The following QTMAN variants were observed in gnomAD, a reference collection of about 807,000 sequenced individuals.
The protein encoded by QTMAN is tRNA-queuosine alpha-mannosyltransferase.
chr2:144,074,413 A>C, the QTMAN span, among the ~76,000 whole-genome samples: 2 of 152,342 alleles, frequency 1.3e-5, no homozygotes, highest in East Asian at 3.9e-4. Context: ...CTAGCTATGC[A>C]AACTAAAGAA....
the QTMAN span, chr2:143,947,262 C>T: frequency 1.5e-6 from 1 of 676,404 alleles, no homozygotes; most frequent in Non-Finnish European, 2.6e-6. Flanking sequence ...AAAAAGCCAC[C>T]AAGTAAATGG....
At chr2:144,196,140 G>C in the QTMAN span, among the ~76,000 whole-genome samples, 1 of 151,386 alleles carries the variant, frequency 6.6e-6, no homozygotes, top group South Asian at 2.1e-4. Context: ...CAAAATGAAA[G>C]CTAAGAATCA....
chr2:144,110,565 A>ATAAC, the QTMAN span, among the ~76,000 whole-genome samples: 1 of 151,850 alleles, frequency 6.6e-6, no homozygotes, highest in African/African-American at 2.4e-5. Flanking sequence ...AAATAAATAA[A>ATAAC]TAATATAAAA....
At chr2:144,143,791 G>A in the QTMAN span, among the ~76,000 whole-genome samples, 1 of 151,938 alleles carries the variant, frequency 6.6e-6, no homozygotes, top group Non-Finnish European at 1.5e-5. Context: ...TCATAAGTCA[G>A]AGGGTTAGTG....
At chr2:144,033,045 C>T in the QTMAN span, among the ~76,000 whole-genome samples, 1 of 152,144 alleles carries the variant, frequency 6.6e-6, no homozygotes, top group Non-Finnish European at 1.5e-5. Context: ...AATATTTTGG[C>T]TTATAAAATA....
At chr2:143,993,745 G>C in the QTMAN span, among the ~76,000 whole-genome samples, 1 of 152,132 alleles carries the variant, frequency 6.6e-6, no homozygotes, top group Non-Finnish European at 1.5e-5. Context: ...TGTTGTTTTA[G>C]GCTGCCAAGT....
the QTMAN span, chr2:144,011,824 A>C: frequency 2.7e-6 from 2 of 731,196 alleles, no homozygotes; most frequent in Non-Finnish European, 3.3e-6. Flanking sequence ...GCTAATGAGA[A>C]GAGAAAAGGT....
the QTMAN span, among the ~76,000 whole-genome samples, chr2:144,148,878 A>G: frequency 6.6e-6 from 1 of 151,978 alleles, no homozygotes; most frequent in South Asian, 2.1e-4. Flanking sequence ...CTGTATTTGT[A>G]TAATTAATCT....
the QTMAN span, among the ~76,000 whole-genome samples, chr2:144,074,460 T>A: frequency 6.6e-6 from 1 of 152,260 alleles, no homozygotes; most frequent in African/African-American, 2.4e-5. Context: ...AAAATCATTT[T>A]TCTAAAACTG....
chr2:144,288,992 C>T, the QTMAN span, among the ~76,000 whole-genome samples: 2 of 148,176 alleles, frequency 1.3e-5, no homozygotes, highest in Non-Finnish European at 3.0e-5. Context: ...AAGATTCAAA[C>T]TATATTAAGA....
chr2:144,187,362 C>T, the QTMAN span, among the ~76,000 whole-genome samples: 5 of 152,158 alleles, frequency 3.3e-5, no homozygotes, highest in South Asian at 2.1e-4. Context: ...ACAACCTGCT[C>T]TTTCCAAAAC....
chr2:144,174,404 A>G, the QTMAN span, among the ~76,000 whole-genome samples: 1 of 152,146 alleles, frequency 6.6e-6, no homozygotes, highest in Admixed American at 6.5e-5. Context: ...CCTCATTGCT[A>G]AATGTCCAGT....
the QTMAN span, among the ~76,000 whole-genome samples, chr2:144,310,149 A>C: frequency 1.3e-5 from 2 of 152,228 alleles, no homozygotes; most frequent in African/African-American, 4.8e-5. Flanking sequence ...GAGATGCAAC[A>C]TCTCAAGACC....
the QTMAN span, among the ~76,000 whole-genome samples, chr2:144,252,883 G>T: frequency 6.6e-6 from 1 of 152,038 alleles, no homozygotes; most frequent in Admixed American, 6.5e-5. Flanking sequence ...AACAAACTGT[G>T]GTATATCCAT....
the QTMAN span, chr2:144,145,802 C>G: frequency 3.0e-6 from 4 of 1,334,578 alleles, no homozygotes; most frequent in Non-Finnish European, 1.0e-6. Flanking sequence ...ATGCTTTGCT[C>G]TTCTCTCCTC....
the QTMAN span, among the ~76,000 whole-genome samples, chr2:144,111,759 T>C: frequency 4.6e-5 from 7 of 152,224 alleles, no homozygotes; most frequent in Admixed American, 3.3e-4. Flanking sequence ...TGTTATACAG[T>C]TGGATCCCTG....
chr2:144,118,076 G>A, the QTMAN span, among the ~76,000 whole-genome samples: 1 of 152,058 alleles, frequency 6.6e-6, no homozygotes, highest in Non-Finnish European at 1.5e-5. Context: ...TCAATCTCCT[G>A]ACCTTGTGAT....
At chr2:143,979,731 T>C in the QTMAN span, among the ~76,000 whole-genome samples, 2 of 152,224 alleles carry the variant, frequency 1.3e-5, no homozygotes, top group African/African-American at 4.8e-5. Flanking sequence ...AGATATCTCA[T>C]TTTAAAATAG....
At chr2:143,965,294 A>C in the QTMAN span, among the ~76,000 whole-genome samples, 1 of 152,184 alleles carries the variant, frequency 6.6e-6, no homozygotes, top group Non-Finnish European at 1.5e-5. Flanking sequence ...AAATGTATTA[A>C]AAACTCATTC....
Sources: gnomAD v4.1 joint callset for allele counts (sites outside exome capture counted in the v4.1 genomes callset) on GRCh38, gnomAD v4.1.1 for gene constraint, MANE v1.5 for transcripts, NCBI Gene and HGNC (gene_info 2026-07-23, HGNC 2026-07-21) for gene names.